DAPK1: variants seen among roughly 807,000 people sequenced by gnomAD.
DAPK1 encodes death associated protein kinase 1, also known as death-associated protein kinase 1.
In DAPK1, 56 loss-of-function variants were observed where a neutral mutation model predicts 144.9. The observed-to-expected ratio is 0.39, with a 90% CI of 0.31 to 0.48. DAPK1 has a LOEUF of 0.48. Ranked by LOEUF, DAPK1 falls within the 20% of genes least tolerant of loss-of-function variation. The pLI is 0.95. For synonymous variants in DAPK1, 690 were observed against 749.0 expected (o/e 0.92, Z 1.29); for missense variants, 1,454 against 1,875.4 (o/e 0.78, Z 4.15).
intron 2 of DAPK1, among the ~76,000 whole-genome samples, chr9:87,582,110 C>G (rs1046017293): frequency 6.6e-6 from 1 of 151,888 alleles, no homozygotes; most frequent in Non-Finnish European, 1.5e-5. Flanking sequence ...TGGCCCCGTA[C>G]CAGGTGGAGC....
intron 2 of DAPK1, among the ~76,000 whole-genome samples, chr9:87,572,356 T>C (rs1453620543): frequency 6.6e-6 from 1 of 152,220 alleles, no homozygotes; most frequent in Non-Finnish European, 1.5e-5. Context: ...CGTGCCGTTA[T>C]AGATGGGAGC....
intron 3 of DAPK1, among the ~76,000 whole-genome samples, chr9:87,609,928 T>A (rs373644380): frequency 2.0e-5 from 3 of 152,318 alleles, no homozygotes; most frequent in East Asian, 3.9e-4. Flanking sequence ...TATATGTGAG[T>A]TCTGTCCTCC....
chr9:87,497,678 G>C (rs1322822661), upstream of DAPK1: 2 of 189,990 alleles, frequency 1.1e-5, no homozygotes, highest in Non-Finnish European at 2.1e-5. Flanking sequence ...GGGTGTGCGC[G>C]GTAGAGCGCG....
intron 10 of DAPK1, 73 bp downstream of exon 10, chr9:87,642,131 C>A: frequency 8.5e-7 from 1 of 1,171,316 alleles, no homozygotes; most frequent in Non-Finnish European, 1.3e-6. Context: ...CAGGGTGCAT[C>A]TCCTCTGATA....
intron 21 of DAPK1, among the ~76,000 whole-genome samples, chr9:87,693,604 C>G (rs574895908): frequency 6.6e-6 from 1 of 152,146 alleles, no homozygotes; most frequent in East Asian, 1.9e-4. Context: ...TTATTGTGCT[C>G]TTTCGGAGGT....
At chr9:87,608,458 G>A (rs1353215244) in intron 3 of DAPK1, among the ~76,000 whole-genome samples, 2 of 152,164 alleles carry the variant, frequency 1.3e-5, no homozygotes, top group East Asian at 1.9e-4. Context: ...TTGTGTGTGG[G>A]CATAGGTTTT....
chr9:87,698,624 A>G lies in DAPK1; in HGVS notation c.2612-32A>G, dbSNP rs754849822. The G allele has an allele frequency of 3.9e-6, 6 of 1,524,952 alleles. No individual in the cohort carries two copies. The East Asian group carries it at 1.1e-4, about 29-fold the overall frequency. 94.5% of individuals were successfully genotyped at this position (1,524,952 alleles called of 1,614,324 possible). A position where few individuals can be genotyped will look rare whatever the true frequency, so the allele number is the denominator to read the frequency against. ...GAGAGGCAGCCAGGTAGGAGGACCC[A>G]CCCCCTGAAGCAGTTCCCTCTCTGC... On this transcript the variant is annotated intron_variant, in intron 22 of 25. Transcript: ENST00000408954.
At chr9:87,519,188 G>T (rs1825197974) in intron 2 of DAPK1, among the ~76,000 whole-genome samples, 1 of 152,186 alleles carries the variant, frequency 6.6e-6, no homozygotes, top group Non-Finnish European at 1.5e-5. Context: ...TTATCACTGG[G>T]TTCAGCAAGG....
intron 12 of DAPK1, among the ~76,000 whole-genome samples, chr9:87,646,231 A>G (rs758147497): frequency 1.3e-5 from 2 of 152,210 alleles, no homozygotes; most frequent in South Asian, 2.1e-4. Context: ...ATCTCTACCC[A>G]TGAAATTTTA....
intron 25 of DAPK1, among the ~76,000 whole-genome samples, chr9:87,705,514 G>C (rs976222588): frequency 6.6e-5 from 10 of 152,114 alleles, no homozygotes; most frequent in African/African-American, 2.4e-4. Context: ...GAGTCACGGT[G>C]CCCAGCCTAC....
intron 2 of DAPK1, among the ~76,000 whole-genome samples, chr9:87,558,515 C>CAT (rs1826796126): frequency 3.0e-5 from 1 of 33,228 alleles, no homozygotes; most frequent in Non-Finnish European, 5.0e-5. Flanking sequence ...CATATGCACA[C>CAT]ACACACAGCC....
chr9:87,677,674 C>T (rs1190323177), intron 19 of DAPK1, among the ~76,000 whole-genome samples: 1 of 152,290 alleles, frequency 6.6e-6, no homozygotes, highest in Middle Eastern at 3.4e-3. Flanking sequence ...GCAGGAGCTG[C>T]GTTCAGGGAA....
intron 3 of DAPK1, among the ~76,000 whole-genome samples, chr9:87,626,838 A>G (rs1339257236): frequency 6.6e-6 from 1 of 152,216 alleles, no homozygotes; most frequent in Non-Finnish European, 1.5e-5. Flanking sequence ...GATGTCATTT[A>G]TGTTCTTAAA....
At position 87,681,526 on chromosome 9, in the gene DAPK1, G is replaced by A. The variant is rs1587840594; in HGVS notation, c.2124G>A (p.Lys708=). ...SGKTTLVESL[K]CGLLRSFFRR... ...AAACCACCCTTGTAGAATCTCTCAA[G>A]TGTGGGCTGCTGAGGAGCTTTTTCA... is the stretch of plus-strand genomic sequence containing the variant. Residue 708 remains lysine, a synonymous_variant, in exon 20 of 26, where the codon AAG becomes AAA. Transcript: ENST00000408954. 3 of 1,612,558 alleles carry A rather than the reference G, an allele frequency of 1.9e-6. No homozygotes were observed. The highest frequency in any genetic ancestry group is 1.7e-6 in the Non-Finnish European group (2 of 1,178,554).
At chr9:87,682,667 C>T (rs951878584) in intron 20 of DAPK1, among the ~76,000 whole-genome samples, 5 of 152,180 alleles carry the variant, frequency 3.3e-5, no homozygotes, top group Non-Finnish European at 7.3e-5. Flanking sequence ...AGTTATAATT[C>T]ATATTATTAT....
chr9:87,512,938 T>C lies in DAPK1; in HGVS notation c.62+13799T>C, dbSNP rs190355306. The stretch of plus-strand genomic sequence containing the variant: ...CTGGGATTACAGACATGAGCCACCA[T>C]GCCTGGCCGAGAGGCTGCTTTCTTT... On this transcript the variant is annotated intron_variant, in intron 2 of 25. Transcript: ENST00000408954. Among the ~76,000 whole-genome samples the C allele has an allele frequency of 1.5e-3, 223 of 152,174 alleles. 1 individual carries two copies. Among genetic ancestry groups the C allele is most frequent in the African/African-American group, 5.1e-3 (211 of 41,522 alleles).
intron 2 of DAPK1, among the ~76,000 whole-genome samples, chr9:87,603,976 C>T (rs1828619087): frequency 6.6e-6 from 1 of 152,168 alleles, no homozygotes; most frequent in African/African-American, 2.4e-5. Flanking sequence ...CTGACTTGAG[C>T]CATAAAAGGA....
intron 3 of DAPK1, among the ~76,000 whole-genome samples, chr9:87,625,990 C>A (rs1337186112): frequency 6.6e-6 from 1 of 152,176 alleles, no homozygotes; most frequent in Non-Finnish European, 1.5e-5. Flanking sequence ...AGGATGTGGA[C>A]ACGCAGTTTA....
chr9:87,707,039 T>G lies in DAPK1; in HGVS notation c.3968T>G (p.Leu1323Arg), dbSNP rs978897932. The G allele has an allele frequency of 2.4e-5, 39 of 1,613,652 alleles. No homozygotes were observed. Among genetic ancestry groups the G allele is most frequent in the Non-Finnish European group, 3.2e-5 (38 of 1,179,876 alleles). Reference sequence around the variant, plus strand: ...CGCCTGCTGGACCCGCCCGACCCCCTGGGGAAGGACTGGTGCCTTCTCGCC... The same window carrying G: ...CGCCTGCTGGACCCGCCCGACCCCCGGGGGAAGGACTGGTGCCTTCTCGCC... ...LSRLLDPPDP[L>R]GKDWCLLAMN... Residue 1323 changes from leucine to arginine, a missense_variant, in exon 26 of 26, where the codon CTG becomes CGG. By Grantham distance (102) the Leu-to-Arg change is moderately radical (BLOSUM62 -2). This residue lies in a region of DAPK1 where 1,025 missense variants were observed against 1,237.9 expected (regional missense o/e 0.83). Coordinates refer to ENST00000408954, the MANE Select transcript of DAPK1 (RefSeq NM_004938.4). The surrounding 1 kb of genome is among the most constrained non-coding windows in gnomAD (Gnocchi z 4.0).
Sources: gnomAD v4.1 joint callset for allele counts (sites outside exome capture counted in the v4.1 genomes callset) on GRCh38, gnomAD v4.1.1 for gene constraint, gnomAD v4.1.1 regional missense constraint, Gnocchi (gnomAD v3.1) non-coding constraint, MANE v1.5 for transcripts, NCBI Gene and HGNC (gene_info 2026-07-23, HGNC 2026-07-21) for gene names.